Variants in DPEP2 observed in about 807,000 individuals in gnomAD.
The protein encoded by DPEP2 is dipeptidase 2.
Under a neutral mutation model 51.8 loss-of-function variants are expected in DPEP2, and 45 were observed. That is an observed-to-expected ratio of 0.87 (90% CI 0.68 to 1.11). The LOEUF (loss-of-function observed/expected upper bound fraction) is 1.11. Among genes scored for constraint, DPEP2 ranks in the 50% most tolerant of loss-of-function variants. The pLI is 0.00. For synonymous variants in DPEP2, 255 were observed against 262.7 expected, an observed-to-expected ratio of 0.97 and a Z score of 0.28; for missense variants, 604 against 631.9, an observed-to-expected ratio of 0.96 and a Z score of 0.47.
rs202183776 is a variant in DPEP2, at chr16:67,991,870, G to C, written c.630C>G (p.Tyr210Ter). Reference sequence around the variant, plus strand: ...TGTTGCAGGTGTGGGTGAGCGTCAGGTAGCGCACTCCCAGCATGTAGAAGG... The same window carrying C: ...TGTTGCAGGTGTGGGTGAGCGTCAGCTAGCGCACTCCCAGCATGTAGAAGG... ...LRTFYMLGVRYLTLTHTCNTP... is the reference protein window; with the variant it reads ...LRTFYMLGVR Residue 210 changes from tyrosine to a stop codon, truncating the protein, a stop_gained, in exon 5 of 11, where the codon TAC (tyrosine) becomes TAG (stop). Transcript: ENST00000393847. LOFTEE classifies it high-confidence loss of function. The surrounding 1 kb of genome is among the most constrained non-coding windows in gnomAD (Gnocchi z 5.1). 4.4e-5 allele frequency: 71 copies of C among 1,614,180 alleles called. No individual in the cohort carries two copies. The Admixed American group carries it at 5.0e-4, about 11-fold the overall frequency.
In DPEP2 at chr16:67,992,593, C is replaced by T; in HGVS notation, c.307G>A (p.Gly103Arg). 2 of 1,614,148 alleles carry T rather than the reference C, an allele frequency of 1.2e-6. No homozygotes were observed. Among genetic ancestry groups the T allele is most frequent in the African/African-American group, 1.3e-5 (1 of 75,058 alleles). Residue 103 changes from glycine to arginine, a missense_variant, in exon 3 of 11, where the codon GGG becomes AGG. Gly to Arg is a moderately radical substitution (Grantham distance 125). Coordinates refer to ENST00000393847, the MANE Select transcript of DPEP2 (RefSeq NM_022355.4). ...PLVLRQVYQK[G>R]LQDVNLRNFS... is the part of the protein sequence containing the mutation. ...TTGCGCAGGTTAACATCCTGTAGCC[C>T]TTTCTGGTAAACCTGCCTTAGGACC...
In DPEP2 at chr16:67,991,192, G is replaced by A. The variant is rs762391819; in HGVS notation, c.663-8C>T. On this transcript the variant is annotated splice_region_variant and splice_polypyrimidine_tract_variant and intron_variant, in intron 5 of 10. Transcript: ENST00000393847. The surrounding 1 kb of genome is among the most constrained non-coding windows in gnomAD (Gnocchi z 5.1). ...TTAGCGGAGCTCTCTGCCCTGCAGG[G>A]TGGCCAGGAAGCAGTCTGACTGGTA... 1.2e-6 allele frequency: 2 copies of A among 1,612,510 alleles called. No individual in the cohort carries two copies. Among genetic ancestry groups the A allele is most frequent in the Non-Finnish European group, 1.7e-6 (2 of 1,180,000 alleles).
At chr16:67,999,536 G>C (rs562413618), upstream of DPEP2, 2 of 985,416 alleles carry the variant, frequency 2.0e-6, no homozygotes, top group African/African-American at 1.7e-5. Context: ...GGTGAGGTTA[G>C]GGGGAGGATA....
Position 67,992,114 on chromosome 16 carries a change from C to G in DPEP2, c.470G>C (p.Arg157Pro), listed in dbSNP as rs564605320. 1.2e-6 allele frequency: 2 copies of G among 1,614,188 alleles called. No homozygotes were observed. Among genetic ancestry groups the G allele is most frequent in the African/African-American group, 1.3e-5 (1 of 75,042 alleles). ...RLTLEQIDLI[R>P]RMCASYSELE... ...CTCAGAATAGGAGGCACACATGCGG[C>G]GTATGAGGTCAATCTGCTCCAGGGT... The change falls in exon 4 of 11, where the codon CGC becomes CCC. Residue 157 changes from arginine to proline, a missense_variant. Physicochemically the swap from Arg to Pro is moderately radical, Grantham distance 103. Transcript: ENST00000393847.
chr16:67,997,172 A>G (rs368856070), intron 1 of DPEP2, among the ~76,000 whole-genome samples: 2 of 150,646 alleles, frequency 1.3e-5, no homozygotes, highest in East Asian at 3.9e-4. Flanking sequence ...AGCTGAGATT[A>G]CGGGCGCATG....
intron 7 of DPEP2, 79 bp from the exon 8 acceptor site, chr16:67,990,210 G>A: frequency 7.2e-7 from 1 of 1,382,476 alleles, no homozygotes; most frequent in Non-Finnish European, 1.0e-6. Flanking sequence ...CTGGATCCCT[G>A]GAGAGGGTGT....
Position 67,987,699 on chromosome 16 carries a change from C to T in DPEP2, c.1268G>A (p.Ser423Asn). The change falls in exon 11 of 11, where the codon AGC becomes AAC. Residue 423 changes from serine to asparagine, a missense_variant. By Grantham distance (46) the Ser-to-Asn change is conservative. Coordinates refer to ENST00000393847, the MANE Select transcript of DPEP2 (RefSeq NM_022355.4). ...TGAGAGGTCGGAGTGGCAGGAACTG[C>T]TCAGCTGCTCATCCGGGAACTTGTC... ...LEDKFPDEQL[S>N]SSCHSDLSRL... 1 of 1,614,198 alleles carries T rather than the reference C, an allele frequency of 6.2e-7. No homozygotes were observed. The highest frequency in any genetic ancestry group is 8.5e-7 in the Non-Finnish European group (1 of 1,180,034).
rs143670094 is a variant in DPEP2, at chr16:67,991,517, A to C, written c.662+321T>G. ...CTCAGCCTCCTGAGTATCTGGGATT[A>C]TAGGCACGCACCACCACACCTGGCT... On this transcript the variant is annotated intron_variant, in intron 5 of 10. Coordinates refer to ENST00000393847, the MANE Select transcript of DPEP2 (RefSeq NM_022355.4). This position sits in a 1 kb window ranked among gnomAD's most constrained non-coding sequence, Gnocchi z 5.1. 508 of 512,460 alleles carry C rather than the reference A, an allele frequency of 9.9e-4. 4 individuals are homozygous for C. The highest frequency in any genetic ancestry group is 9.2e-3 in the African/African-American group (482 of 52,494). 31.7% of individuals were successfully genotyped at this position (512,460 alleles called of 1,614,324 possible).
chr16:67,993,599 G>A, intron 1 of DPEP2: 1 of 1,001,452 alleles, frequency 1.0e-6, no homozygotes, highest in Non-Finnish European at 1.2e-6. Context: ...CTAAGAGAGA[G>A]GGCCTGGGGT....
At chr16:67,994,902 C>CT in intron 1 of DPEP2, 4 of 985,370 alleles carry the variant, frequency 4.1e-6, no homozygotes, top group Non-Finnish European at 4.8e-6. Flanking sequence ...CGAAGGGGGT[C>CT]TTTTTTTGTT....
chr16:67,993,011 T>C lies in DPEP2; in HGVS notation c.202A>G (p.Ser68Gly). ...YAPSTTLSSP[S>G]TQGLQEQARA... The stretch of plus-strand genomic sequence containing the variant: ...GCCTGCTCTTGCAGGCCCTGGGTGC[T>C]GGGACTACTGAGTGTGGTCGAGGGA... The change falls in exon 2 of 11, where the codon AGC (serine) becomes GGC (glycine). Residue 68 changes from serine to glycine, a missense_variant. By Grantham distance (56) the Ser-to-Gly change is moderately conservative. Transcript: ENST00000393847. 6.2e-7 allele frequency: 1 copy of C among 1,606,204 alleles called. No homozygotes were observed. The highest frequency in any genetic ancestry group is 1.1e-5 in the South Asian group (1 of 89,658).
intron 9 of DPEP2, among the ~76,000 whole-genome samples, chr16:67,988,907 GAGAAGA>G (rs149160038): frequency 3.3e-5 from 5 of 151,702 alleles, no homozygotes; most frequent in African/African-American, 1.2e-4. Context: ...GCAAGACCCT[GAGAAGA>G]AGAAGAAGAA....
chr16:67,987,914 C>T lies in DPEP2; in HGVS notation c.1144G>A (p.Glu382Lys), dbSNP rs2031600049. 1 of 1,614,194 alleles carries T rather than the reference C, an allele frequency of 6.2e-7. No homozygotes were observed. Among genetic ancestry groups the T allele is most frequent in the Non-Finnish European group, 8.5e-7 (1 of 1,180,034 alleles). The change falls in exon 10 of 11, where the codon GAG becomes AAG. Residue 382 changes from glutamate (E) to lysine (K), a missense_variant. Coordinates refer to ENST00000393847, the MANE Select transcript of DPEP2 (RefSeq NM_022355.4). ...CGAAGGACACCCTGAAGCTCTTCCT[C>T]ACTCCAGCCACGACTCAGCAACTCC... The part of the protein sequence containing the change: ...IEELLSRGWS[E>K]EELQGVLRGN...
chr16:67,998,778 A>T (rs1288175290), intron 1 of DPEP2, among the ~76,000 whole-genome samples: 1 of 152,216 alleles, frequency 6.6e-6, no homozygotes, highest in Non-Finnish European at 1.5e-5. Flanking sequence ...AAACACACCA[A>T]TCAGCACCCT....
Position 67,987,403 on chromosome 16 carries a change from C to A in DPEP2, c.*103G>T. The A allele has an allele frequency of 6.7e-7, 1 of 1,492,632 alleles. No individual in the cohort carries two copies. Among genetic ancestry groups the A allele is most frequent in the Admixed American group, 2.0e-5 (1 of 49,254 alleles). The allele number at this position is 1,492,632 out of a possible 1,614,324, so 92.5% of individuals were successfully genotyped here. A position where few individuals can be genotyped will look rare whatever the true frequency, so the allele number is the denominator to read the frequency against. ...AGGAAACTCAGGTCTGTTTCTATGT[C>A]CAAAACATTTATTTCAGGAAATATT... On this transcript the variant is annotated 3_prime_UTR_variant, in exon 11 of 11. Coordinates refer to ENST00000393847, the MANE Select transcript of DPEP2 (RefSeq NM_022355.4).
intron 9 of DPEP2, among the ~76,000 whole-genome samples, chr16:67,989,080 T>C (rs2031798214): frequency 6.6e-6 from 1 of 152,166 alleles, no homozygotes; most frequent in African/African-American, 2.4e-5. Flanking sequence ...GATGGTCTGC[T>C]CAGGGAGAGT....
At chr16:67,994,872 A>G (rs2032589313) in intron 1 of DPEP2, 31 of 985,406 alleles carry the variant, frequency 3.1e-5, no homozygotes, top group Non-Finnish European at 3.4e-5. Context: ...AGGTGGGTTA[A>G]CTGTCACGTC....
chr16:67,997,331 T>C (rs2032759478), intron 1 of DPEP2, among the ~76,000 whole-genome samples: 1 of 147,596 alleles, frequency 6.8e-6, no homozygotes, highest in African/African-American at 2.5e-5. Context: ...CCCCCGACCC[T>C]TGGCCAAATT....
chr16:67,989,868 C>T (rs2031908316), intron 8 of DPEP2, among the ~76,000 whole-genome samples, 179 bp downstream of exon 8: 1 of 152,214 alleles, frequency 6.6e-6, no homozygotes, highest in Non-Finnish European at 1.5e-5. Context: ...GTGGCTTCCT[C>T]CCTTATACCC....
Sources: allele counts gnomAD v4.1 joint callset (sites outside exome capture counted in the v4.1 genomes callset), GRCh38; gene constraint gnomAD v4.1.1; non-coding constraint Gnocchi (gnomAD v3.1); transcripts MANE v1.5; gene names NCBI Gene and HGNC (gene_info 2026-07-23, HGNC 2026-07-21).